LOC128462377: variants seen among roughly 807,000 people sequenced by gnomAD.
the LOC128462377 span, among the ~76,000 whole-genome samples, chr16:89,399,437 C>G: frequency 5.4e-4 from 82 of 152,308 alleles, no homozygotes; most frequent in African/African-American, 1.9e-3. Context: ...GGTTCCGACT[C>G]TGACATCCAG....
the LOC128462377 span, among the ~76,000 whole-genome samples, chr16:89,389,607 G>A: frequency 2.0e-5 from 3 of 152,204 alleles, no homozygotes; most frequent in African/African-American, 7.2e-5. Flanking sequence ...ATCACACTGG[G>A]TGGGATTCAC....
the LOC128462377 span, among the ~76,000 whole-genome samples, chr16:89,410,221 C>T: frequency 1.7e-4 from 26 of 152,296 alleles, no homozygotes; most frequent in Non-Finnish European, 3.1e-4. Context: ...GATGCCAACC[C>T]GGTGGGTACG....
the LOC128462377 span, among the ~76,000 whole-genome samples, chr16:89,330,403 C>T: frequency 7.0e-3 from 1,061 of 152,108 alleles, 15 homozygotes; most frequent in African/African-American, 0.024. Context: ...GGTGGCCGCT[C>T]GCACACCGGG....
At chr16:89,396,955 G>T in the LOC128462377 span, among the ~76,000 whole-genome samples, 1 of 108,160 alleles carries the variant, frequency 9.2e-6, no homozygotes, top group African/African-American at 2.9e-5. Context: ...CCAGAGCACT[G>T]GTGGGATTAT....
the LOC128462377 span, among the ~76,000 whole-genome samples, chr16:89,374,004 T>G: frequency 6.6e-6 from 1 of 152,206 alleles, no homozygotes; most frequent in Non-Finnish European, 1.5e-5. Flanking sequence ...CCACAATACC[T>G]GCAGGACAGG....
the LOC128462377 span, among the ~76,000 whole-genome samples, chr16:89,374,780 C>A: frequency 1.4e-4 from 21 of 152,298 alleles, 1 homozygote; most frequent in South Asian, 4.3e-3. Context: ...TGGACACACA[C>A]GTGTGCACAG....
At chr16:89,334,521 C>T in the LOC128462377 span, among the ~76,000 whole-genome samples, 4 of 152,042 alleles carry the variant, frequency 2.6e-5, no homozygotes, top group Admixed American at 6.6e-5. Flanking sequence ...GGCAAAGTGA[C>T]GAGAAAACAC....
chr16:89,368,137 G>C, the LOC128462377 span, among the ~76,000 whole-genome samples: 7 of 151,976 alleles, frequency 4.6e-5, no homozygotes, highest in African/African-American at 1.7e-4. Context: ...TAAAAAATAA[G>C]TCCTACATCA....
chr16:89,387,961 C>T, the LOC128462377 span, among the ~76,000 whole-genome samples: 4 of 148,526 alleles, frequency 2.7e-5, no homozygotes, highest in East Asian at 2.0e-4. Flanking sequence ...TGCAGTGAGC[C>T]GAGATGGTGC....
the LOC128462377 span, among the ~76,000 whole-genome samples, chr16:89,326,328 G>A: frequency 3.5e-4 from 53 of 152,224 alleles, no homozygotes; most frequent in African/African-American, 1.1e-3. Flanking sequence ...GTCACGCACC[G>A]TTGCTGGGAA....
the LOC128462377 span, among the ~76,000 whole-genome samples, chr16:89,383,938 G>A: frequency 3.0e-4 from 46 of 152,330 alleles, no homozygotes; most frequent in South Asian, 6.6e-3. Flanking sequence ...TGACGAAGGC[G>A]CTTCACAAAA....
the LOC128462377 span, among the ~76,000 whole-genome samples, chr16:89,356,813 G>C: frequency 1.3e-5 from 2 of 149,572 alleles, no homozygotes; most frequent in South Asian, 4.2e-4. Context: ...GAAAAAAAAA[G>C]AACGTAATGG....
the LOC128462377 span, among the ~76,000 whole-genome samples, chr16:89,407,011 C>T: frequency 2.6e-5 from 4 of 151,910 alleles, no homozygotes; most frequent in African/African-American, 7.3e-5. Context: ...ATGGTGAAAC[C>T]CTGTCTCTAC....
chr16:89,352,060 A>G, the LOC128462377 span, among the ~76,000 whole-genome samples: 1 of 152,144 alleles, frequency 6.6e-6, no homozygotes, highest in East Asian at 1.9e-4. Flanking sequence ...CACCAGGCCC[A>G]GGTAATTTGT....
At chr16:89,383,580 TG>T in the LOC128462377 span, among the ~76,000 whole-genome samples, 1 of 152,180 alleles carries the variant, frequency 6.6e-6, no homozygotes, top group Admixed American at 6.5e-5. Context: ...CGGCCAGGAA[TG>T]GCCAAAGCCG....
the LOC128462377 span, among the ~76,000 whole-genome samples, chr16:89,340,956 T>A: frequency 9.5e-3 from 1,453 of 152,262 alleles, 34 homozygotes; most frequent in African/African-American, 0.033. Context: ...CATCAGCCAA[T>A]AGAGTCCTGG....
the LOC128462377 span, among the ~76,000 whole-genome samples, chr16:89,329,690 C>T: frequency 6.6e-6 from 1 of 152,120 alleles, no homozygotes; most frequent in Non-Finnish European, 1.5e-5. Flanking sequence ...GTGTATTTGG[C>T]TTTGGAATCA....
chr16:89,331,608 T>C, the LOC128462377 span, among the ~76,000 whole-genome samples: 2 of 152,012 alleles, frequency 1.3e-5, no homozygotes, highest in East Asian at 3.9e-4. Context: ...ACCCAGCGAT[T>C]CAGGAGATAG....
At chr16:89,353,229 C>A in the LOC128462377 span, among the ~76,000 whole-genome samples, 1 of 151,988 alleles carries the variant, frequency 6.6e-6, no homozygotes. Context: ...ATAATCCCAG[C>A]TACTCAGGAG....
Sources: gnomAD v4.1 joint callset for allele counts (sites outside exome capture counted in the v4.1 genomes callset) on GRCh38, gnomAD v4.1.1 for gene constraint, MANE v1.5 for transcripts.